TUBB8: variants seen among roughly 807,000 people sequenced by gnomAD.
TUBB8 encodes tubulin beta-8 chain.
Under a neutral mutation model 33.7 loss-of-function variants are expected in TUBB8, and 25 were observed. The observed-to-expected ratio is 0.74, with a 90% CI of 0.54 to 1.04. The LOEUF (loss-of-function observed/expected upper bound fraction) is 1.04, where lower values mean the gene tolerates loss of function less well. TUBB8 is among the 50% of genes least tolerant of loss of function. The pLI, the probability that TUBB8 is intolerant of heterozygous loss-of-function variation, is 0.00. For missense variants in TUBB8, 279 were observed against 608.0 expected, an observed-to-expected ratio of 0.46 and a Z score of 5.69; for synonymous variants, 245 against 240.1, an observed-to-expected ratio of 1.02 and a Z score of -0.19.
At chr10:61,171 C>T (rs1469409781) in intron 1 of TUBB8, among the ~76,000 whole-genome samples, 94 of 151,944 alleles carry the variant, frequency 6.2e-4, no homozygotes, top group African/African-American at 1.9e-3. Context: ...CACATGTATA[C>T]ATATGTAACT....
chr10:66,945 C>T (rs1834678587), intron 1 of TUBB8, among the ~76,000 whole-genome samples: 1 of 152,104 alleles, frequency 6.6e-6, no homozygotes, highest in South Asian at 2.1e-4. Context: ...AGTACTCCAG[C>T]CTGGGAGACA....
chr10:61,704 T>G, intron 1 of TUBB8, among the ~76,000 whole-genome samples: 1 of 152,250 alleles, frequency 6.6e-6, no homozygotes, highest in Non-Finnish European at 1.5e-5. Context: ...GGTGTCGAAG[T>G]GTTCAGCCAT....
chr10:48,750 C>T lies in TUBB8; in HGVS notation c.167-25G>A, dbSNP rs377516122. ...CCTGCGTGGGGCGGGAGGGCATGAG[C>T]GAGGGGAGGGCCGCGTTCCCAGGAG... On this transcript the variant is annotated intron_variant, in intron 2 of 3. Transcript: ENST00000568584. 4.0e-4 allele frequency: 641 copies of T among 1,606,376 alleles called. 6 individuals are homozygous for T. The African/African-American group carries it at 7.8e-3, about 19-fold the overall frequency.
chr10:52,705 G>A (rs1489063077), upstream of TUBB8, among the ~76,000 whole-genome samples: 25 of 152,310 alleles, frequency 1.6e-4, no homozygotes, highest in South Asian at 5.0e-3. Context: ...ACATTTTTCA[G>A]GCTTGGTGGA....
upstream of TUBB8, among the ~76,000 whole-genome samples, chr10:53,210 G>A (rs1385505328): frequency 2.0e-5 from 3 of 152,054 alleles, no homozygotes; most frequent in Non-Finnish European, 2.9e-5. Flanking sequence ...TTACTGAAAC[G>A]TCTGCCTCCC....
chr10:56,443 T>G (rs1184147542), intron 1 of TUBB8, among the ~76,000 whole-genome samples: 1 of 152,204 alleles, frequency 6.6e-6, no homozygotes, highest in African/African-American at 2.4e-5. Context: ...AGGAAATAGG[T>G]TTCATTGGCT....
chr10:58,861 T>C (rs1269236522), intron 1 of TUBB8, among the ~76,000 whole-genome samples: 1 of 152,202 alleles, frequency 6.6e-6, no homozygotes, highest in African/African-American at 2.4e-5. Context: ...TAAGATTATA[T>C]CACTGGCAAA....
chr10:72,184 C>T (rs183413365), intron 1 of TUBB8, among the ~76,000 whole-genome samples: 2,044 of 125,862 alleles, frequency 0.016, no homozygotes, highest in Middle Eastern at 0.063. Context: ...AAGATCGGGA[C>T]ATTGCACTTT....
intron 1 of TUBB8, among the ~76,000 whole-genome samples, chr10:63,587 C>A (rs1248062845): frequency 1.3e-5 from 2 of 152,162 alleles, no homozygotes; most frequent in Non-Finnish European, 2.9e-5. Flanking sequence ...AACTCTGATG[C>A]ATTCTTCAGT....
chr10:56,549 G>A (rs1447107281), intron 1 of TUBB8, among the ~76,000 whole-genome samples: 1 of 152,228 alleles, frequency 6.6e-6, no homozygotes, highest in Non-Finnish European at 1.5e-5. Context: ...TAAATCCGGT[G>A]CTTGCACATC....
At chr10:69,802 C>T (rs562180306) in intron 1 of TUBB8, among the ~76,000 whole-genome samples, 113 of 152,182 alleles carry the variant, frequency 7.4e-4, no homozygotes, top group Admixed American at 1.3e-3. Context: ...GAGGCTGAAG[C>T]GGGAGGATGG....
At chr10:52,399 G>C (rs541118790), upstream of TUBB8, among the ~76,000 whole-genome samples, 1 of 152,204 alleles carries the variant, frequency 6.6e-6, no homozygotes, top group Non-Finnish European at 1.5e-5. Flanking sequence ...AGGATTCTTA[G>C]ATCTTGTGCA....
chr10:71,630 A>G (rs1313560779), intron 1 of TUBB8, among the ~76,000 whole-genome samples: 1 of 151,612 alleles, frequency 6.6e-6, no homozygotes, highest in Non-Finnish European at 1.5e-5. Flanking sequence ...TCAAAAAAAA[A>G]GTGGGGAGAC....
At chr10:76,274 G>C (rs1327460524), upstream of TUBB8, among the ~76,000 whole-genome samples, 5 of 151,758 alleles carry the variant, frequency 3.3e-5, no homozygotes, top group Admixed American at 6.6e-5. Flanking sequence ...CCTCCTCTCC[G>C]GGGACCAGGG....
At position 47,352 on chromosome 10, in the gene TUBB8, T is replaced by C; in HGVS notation, c.1040A>G (p.Asn347Ser). The C allele has an allele frequency of 3.7e-6, 6 of 1,613,202 alleles. No homozygotes were observed. The highest frequency in any genetic ancestry group is 5.1e-6 in the Non-Finnish European group (6 of 1,179,976). The change falls in exon 4 of 4, where the codon AAC (asparagine) becomes AGC (serine). Residue 347 changes from asparagine (N) to serine (S), a missense_variant. Transcript: ENST00000568584. ...NSSYFADWLPNNVKTAVCDIP... is the reference protein window; with the variant it reads ...NSSYFADWLPSNVKTAVCDIP... ...GTCACAGACGGCTGTTTTTACGTTG[T>C]TGGGGAGCCAGTCAGCAAAGTAACT...
upstream of TUBB8, among the ~76,000 whole-genome samples, chr10:76,556 C>T (rs1588284482): frequency 6.6e-6 from 1 of 152,122 alleles, no homozygotes; most frequent in East Asian, 1.9e-4. Context: ...CCGGCCCCTC[C>T]GGGGTGGGTG....
chr10:47,666 G>A lies in TUBB8; in HGVS notation c.726C>T (p.Phe242=), dbSNP rs1554738265. 9 of 1,609,680 alleles carry A rather than the reference G, an allele frequency of 5.6e-6. No homozygotes were observed. In the East Asian group the frequency reaches 1.1e-4, roughly 20 times the overall value. Residue 242 remains phenylalanine, a synonymous_variant, in exon 4 of 4, where the codon TTC becomes TTT. Coordinates refer to ENST00000568584, the MANE Select transcript of TUBB8 (RefSeq NM_177987.3). ...TMSGVTTCLR[F]PGQLNADLRK... ...GCAGGTCAGCATTCAGCTGGCCCGG[G>A]AAGCGCAGGCACGTGGTGACCCCAC...
chr10:61,689 A>ACT (rs1834603792), intron 1 of TUBB8, among the ~76,000 whole-genome samples: 1 of 152,224 alleles, frequency 6.6e-6, no homozygotes, highest in African/African-American at 2.4e-5. Context: ...CAATGACTAA[A>ACT]GTAGGGTGTC....
upstream of TUBB8, among the ~76,000 whole-genome samples, chr10:52,630 G>A (rs372921597): frequency 6.6e-6 from 1 of 152,282 alleles, no homozygotes; most frequent in Non-Finnish European, 1.5e-5. Context: ...CCATTAACCC[G>A]TTGACCTAAG....
Sources: allele counts gnomAD v4.1 joint callset (sites outside exome capture counted in the v4.1 genomes callset), GRCh38; gene constraint gnomAD v4.1.1; transcripts MANE v1.5; gene names NCBI Gene and HGNC (gene_info 2026-07-23, HGNC 2026-07-21).